The following PALLD variants were observed in gnomAD, a reference collection of about 807,000 sequenced individuals.
PALLD encodes palladin.
PALLD carries 61 observed loss-of-function variants against 123.5 expected under a neutral mutation model. The ratio of observed to expected loss-of-function variants is 0.49; its 90% confidence interval spans 0.40 to 0.61. The LOEUF (loss-of-function observed/expected upper bound fraction) is 0.61. Among genes scored for constraint, PALLD ranks in the 20% least tolerant of loss-of-function variants. The probability of loss-of-function intolerance (pLI) is 0.00; values close to 1 mark genes in which losing one functional copy is unlikely to be tolerated. For synonymous variants in PALLD, 465 were observed against 496.4 expected, an observed-to-expected ratio of 0.94 and a Z score of 0.84; for missense variants, 1,273 against 1,377.0, an observed-to-expected ratio of 0.92 and a Z score of 1.20.
At chr4:168,682,949 ACG>A in intron 4 of PALLD, 47 bp from the exon 5 acceptor site, 2 of 1,191,722 alleles carry the variant, frequency 1.7e-6, no homozygotes, top group Non-Finnish European at 2.5e-6. Flanking sequence ...AAACAAAAAA[ACG>A]AAAACAAAAA....
intron 10 of PALLD, 51 bp from the exon 11 acceptor site, chr4:168,890,871 G>A: frequency 6.2e-7 from 1 of 1,605,232 alleles, no homozygotes; most frequent in Non-Finnish European, 8.5e-7. Flanking sequence ...GTTTGACTTG[G>A]ATTTATATGC....
In PALLD at chr4:168,809,338, TTC is replaced by T. The variant is rs761403090; in HGVS notation, c.1965-81582_1965-81581del. Among the ~76,000 whole-genome samples, 370 of 99,642 alleles carry T rather than the reference TTC, an allele frequency of 3.7e-3. 1 individual carries two copies. Among genetic ancestry groups the T allele is most frequent in the Middle Eastern group, 0.014 (3 of 212 alleles). 65.4% of individuals were successfully genotyped at this position (99,642 alleles called of 152,430 possible). On this transcript the variant is annotated intron_variant, in intron 10 of 21. Coordinates refer to ENST00000505667, the MANE Select transcript of PALLD (RefSeq NM_001166108.2). Reference sequence around the variant, plus strand: ...TAAATCCTTCTTCTTCTTCTTCTTCTTCTTTTTTTTTTTGGAGAGACAGGGTC... The same window carrying T: ...TAAATCCTTCTTCTTCTTCTTCTTCTTTTTTTTTTTTGGAGAGACAGGGTC...
At chr4:168,629,056 G>A (rs186281617) in intron 2 of PALLD, among the ~76,000 whole-genome samples, 586 of 147,938 alleles carry the variant, frequency 4.0e-3, no homozygotes, top group African/African-American at 5.1e-3. Flanking sequence ...CACTCTTGTC[G>A]CCCAGGCTGG....
intron 2 of PALLD, among the ~76,000 whole-genome samples, chr4:168,661,515 G>A (rs1779134689): frequency 6.6e-6 from 1 of 152,196 alleles, no homozygotes; most frequent in Admixed American, 6.5e-5. Context: ...TTCATACGCT[G>A]TTTATGGTCT....
intron 2 of PALLD, among the ~76,000 whole-genome samples, chr4:168,567,448 A>G (rs557671271): frequency 2.8e-4 from 42 of 152,038 alleles, no homozygotes; most frequent in African/African-American, 1.0e-3. Flanking sequence ...TCAGAGAAAT[A>G]TAAATTAAAA....
chr4:168,516,412 C>G (rs952592981), intron 2 of PALLD, among the ~76,000 whole-genome samples: 14 of 151,882 alleles, frequency 9.2e-5, no homozygotes, highest in Non-Finnish European at 2.1e-4. Context: ...AATTTTAGTT[C>G]AAAATTACCT....
chr4:168,812,413 T>G (rs985550550), intron 10 of PALLD, among the ~76,000 whole-genome samples: 4 of 152,176 alleles, frequency 2.6e-5, no homozygotes, highest in African/African-American at 9.7e-5. Flanking sequence ...GGGCCTCTTA[T>G]GGGTAATTAC....
At position 168,725,627 on chromosome 4, in the gene PALLD, C is replaced by T. The variant is rs528653417; in HGVS notation, c.1964+13704C>T. Among the ~76,000 whole-genome samples the T allele has an allele frequency of 3.6e-3, 524 of 146,844 alleles. 2 individuals are homozygous for T. Among genetic ancestry groups the T allele is most frequent in the Non-Finnish European group, 6.5e-3 (439 of 67,100 alleles). ...CTGCAAGCTCCGCCTCCCGGGTTCACGCCATTCTCCTGCCTCAGCCTCCCG... is the reference window on the plus strand; with the variant it reads ...CTGCAAGCTCCGCCTCCCGGGTTCATGCCATTCTCCTGCCTCAGCCTCCCG... On this transcript the variant is annotated intron_variant, in intron 10 of 21. Transcript: ENST00000505667.
intron 3 of PALLD, among the ~76,000 whole-genome samples, chr4:168,670,340 A>G (rs1780063801): frequency 6.6e-6 from 1 of 152,238 alleles, no homozygotes; most frequent in South Asian, 2.1e-4. Flanking sequence ...TTAAGATCCT[A>G]CTAAGTGCCA....
At chr4:168,778,292 C>T (rs72701840) in intron 10 of PALLD, among the ~76,000 whole-genome samples, 22,792 of 152,104 alleles carry the variant, frequency 0.15, 2,123 homozygotes, top group Non-Finnish European at 0.21. Flanking sequence ...ATATGCATCA[C>T]CCAATCAATC....
intron 10 of PALLD, among the ~76,000 whole-genome samples, chr4:168,820,808 A>G (rs769961590): frequency 6.6e-6 from 1 of 152,196 alleles, no homozygotes; most frequent in Non-Finnish European, 1.5e-5. Flanking sequence ...TTCTATTTGA[A>G]TATGAGAATG....
At chr4:168,800,975 T>C (rs926535229) in intron 10 of PALLD, among the ~76,000 whole-genome samples, 16 of 152,288 alleles carry the variant, frequency 1.1e-4, no homozygotes, top group Admixed American at 8.5e-4. Flanking sequence ...TGATAAATCT[T>C]ACACACATAA....
At chr4:168,915,787 A>G in intron 16 of PALLD, 108 bp from the exon 17 acceptor site, 4 of 839,692 alleles carry the variant, frequency 4.8e-6, no homozygotes, top group Non-Finnish European at 7.9e-6. Context: ...GGGATCAGAT[A>G]AGGAAATCAT....
At chr4:168,888,140 A>T (rs1172651440) in intron 10 of PALLD, among the ~76,000 whole-genome samples, 1 of 152,156 alleles carries the variant, frequency 6.6e-6, no homozygotes. Flanking sequence ...TTGTTAAAGG[A>T]TTCCATGGTA....
intron 2 of PALLD, among the ~76,000 whole-genome samples, chr4:168,666,915 A>T (rs77239275): frequency 0.013 from 1,997 of 152,312 alleles, 42 homozygotes; most frequent in African/African-American, 0.046. Context: ...GACAACAAAG[A>T]AAACCATACA....
intron 2 of PALLD, among the ~76,000 whole-genome samples, chr4:168,604,671 G>T (rs570537288): frequency 9.8e-5 from 15 of 152,322 alleles, no homozygotes; most frequent in Middle Eastern, 3.4e-3. Flanking sequence ...TACATAAAGT[G>T]CATGTCTCTG....
intron 15 of PALLD, among the ~76,000 whole-genome samples, chr4:168,911,973 A>G (rs1010286238): frequency 3.3e-5 from 5 of 151,646 alleles, no homozygotes; most frequent in African/African-American, 1.2e-4. Flanking sequence ...TCTGTATTAC[A>G]TTCCTATGTG....
At chr4:168,912,577 ACT>A (rs1198820876) in intron 15 of PALLD, among the ~76,000 whole-genome samples, 2 of 152,042 alleles carry the variant, frequency 1.3e-5, no homozygotes, top group African/African-American at 4.8e-5. Context: ...CGTTTATCAA[ACT>A]CTTTTTTTGC....
At chr4:168,832,650 A>C (rs10029957) in intron 10 of PALLD, 1 of 152,172 alleles carries the variant, frequency 6.6e-6, no homozygotes, top group African/African-American at 2.4e-5. Flanking sequence ...TGGCGGGGAG[A>C]GGGTGGGGAC....
Sources: gnomAD v4.1 joint callset for allele counts (sites outside exome capture counted in the v4.1 genomes callset) on GRCh38, gnomAD v4.1.1 for gene constraint, MANE v1.5 for transcripts, NCBI Gene and HGNC (gene_info 2026-07-23, HGNC 2026-07-21) for gene names.